The following DGCR2 variants were observed in gnomAD, a reference collection of about 807,000 sequenced individuals.
The protein encoded by DGCR2 is integral membrane protein DGCR2/IDD.
A neutral mutation model predicts 51.6 loss-of-function variants in DGCR2; 24 were observed. The observed-to-expected ratio is 0.47, with a 90% CI of 0.34 to 0.65. The LOEUF (loss-of-function observed/expected upper bound fraction) is 0.65, where lower values mean the gene tolerates loss of function less well. DGCR2 is among the 30% of genes least tolerant of loss of function. The probability of loss-of-function intolerance (pLI) is 0.01; values close to 1 mark genes in which losing one functional copy is unlikely to be tolerated. For missense variants in DGCR2, 765 were observed against 772.1 expected, an observed-to-expected ratio of 0.99 and a Z score of 0.11; for synonymous variants, 340 against 315.4, an observed-to-expected ratio of 1.08 and a Z score of -0.82.
intron 6 of DGCR2, among the ~76,000 whole-genome samples, chr22:19,054,488 C>T (rs182824877): frequency 1.6e-4 from 25 of 152,308 alleles, no homozygotes; most frequent in African/African-American, 5.5e-4. Flanking sequence ...GTGGTTCTAT[C>T]AAACACTCAA....
At chr22:19,059,520 A>G (rs1459313570) in intron 5 of DGCR2, among the ~76,000 whole-genome samples, 2 of 151,998 alleles carry the variant, frequency 1.3e-5, no homozygotes, top group Non-Finnish European at 2.9e-5. Flanking sequence ...AGGCCCTGTG[A>G]GCAGAGCTGC....
At position 19,099,854 on chromosome 22, in the gene DGCR2, C is replaced by T. The variant is rs140311309; in HGVS notation, c.80-10364G>A. The stretch of plus-strand genomic sequence containing the variant: ...GGCATGGTGGCACATGTCTGTAATC[C>T]CAGCTACTCTGGAGGCTGAGGCAGA... On this transcript the variant is annotated intron_variant, in intron 1 of 9. Coordinates refer to ENST00000263196, the MANE Select transcript of DGCR2 (RefSeq NM_005137.3). 1.2e-3 allele frequency among the ~76,000 whole-genome samples: 182 copies of T among 152,112 alleles called. 1 individual carries two copies. Among genetic ancestry groups the T allele is most frequent in the African/African-American group, 4.3e-3 (177 of 41,480 alleles).
intron 5 of DGCR2, chr22:19,061,560 A>C (rs2082663523): frequency 6.6e-6 from 1 of 152,212 alleles, no homozygotes; most frequent in Non-Finnish European, 1.5e-5. Context: ...CCAACCTAGG[A>C]CACCATAAGG....
intron 4 of DGCR2, among the ~76,000 whole-genome samples, chr22:19,063,697 A>C (rs1458006308): frequency 6.6e-6 from 1 of 152,102 alleles, no homozygotes; most frequent in Non-Finnish European, 1.5e-5. Context: ...ATGCATTAAA[A>C]TTCAAAACAA....
chr22:19,044,172 T>A (rs1384012008), intron 7 of DGCR2, among the ~76,000 whole-genome samples: 2 of 152,082 alleles, frequency 1.3e-5, no homozygotes, highest in South Asian at 2.1e-4. Flanking sequence ...CCGGAAATAA[T>A]CATCTCTCAG....
chr22:19,117,316 T>A (rs1430572969), intron 1 of DGCR2, among the ~76,000 whole-genome samples: 1 of 152,198 alleles, frequency 6.6e-6, no homozygotes, highest in African/African-American at 2.4e-5. Flanking sequence ...ACAACAGCAG[T>A]CTTCATTCCT....
intron 6 of DGCR2, chr22:19,056,564 A>C (rs201693171): frequency 1.5e-5 from 5 of 338,138 alleles, no homozygotes; most frequent in East Asian, 1.2e-4. Flanking sequence ...TAAAAAAAAA[A>C]AAACACACAC....
intron 7 of DGCR2, among the ~76,000 whole-genome samples, chr22:19,042,260 G>A (rs1348893815): frequency 1.3e-5 from 2 of 152,176 alleles, no homozygotes; most frequent in African/African-American, 4.8e-5. Flanking sequence ...CCTGTCCTAG[G>A]ACTAGCACTC....
intron 1 of DGCR2, among the ~76,000 whole-genome samples, chr22:19,105,406 CCTT>C (rs1253631726): frequency 6.6e-6 from 1 of 152,170 alleles, no homozygotes; most frequent in Non-Finnish European, 1.5e-5. Flanking sequence ...TGCTCGGTGA[CCTT>C]CTAAATGGAG....
intron 1 of DGCR2, among the ~76,000 whole-genome samples, chr22:19,101,813 G>C (rs1446610772): frequency 1.3e-5 from 2 of 151,212 alleles, no homozygotes; most frequent in Admixed American, 6.6e-5. Context: ...CTAGAACTTT[G>C]GGAGGCCGAG....
chr22:19,083,716 TCTCCCC>T (rs2082969565), intron 2 of DGCR2, among the ~76,000 whole-genome samples: 1 of 43,940 alleles, frequency 2.3e-5, no homozygotes, highest in South Asian at 9.4e-4. Flanking sequence ...CCCCTCTCCC[TCTCCCC>T]ACGGTCTCCC....
intron 2 of DGCR2, among the ~76,000 whole-genome samples, chr22:19,073,676 G>C (rs1361513387): frequency 6.6e-6 from 1 of 152,086 alleles, no homozygotes; most frequent in East Asian, 1.9e-4. Flanking sequence ...CAAAATTATG[G>C]GAAAAACTTA....
intron 1 of DGCR2, among the ~76,000 whole-genome samples, chr22:19,120,118 T>G (rs1410935661): frequency 6.6e-6 from 1 of 152,160 alleles, no homozygotes; most frequent in African/African-American, 2.4e-5. Flanking sequence ...CCCAGAGGCC[T>G]GCCCTCCCTG....
intron 1 of DGCR2, among the ~76,000 whole-genome samples, chr22:19,106,082 G>T (rs549504771): frequency 6.6e-6 from 1 of 152,162 alleles, no homozygotes; most frequent in African/African-American, 2.4e-5. Flanking sequence ...ACGCCCCAGA[G>T]ATCCGTTGCG....
intron 5 of DGCR2, among the ~76,000 whole-genome samples, chr22:19,060,077 C>G (rs935341891): frequency 1.3e-5 from 2 of 152,236 alleles, no homozygotes; most frequent in Non-Finnish European, 2.9e-5. Context: ...CACTCAGGGT[C>G]TGTCTCCCCT....
At chr22:19,078,867 G>C (rs561087897) in intron 2 of DGCR2, among the ~76,000 whole-genome samples, 1 of 152,350 alleles carries the variant, frequency 6.6e-6, no homozygotes, top group African/African-American at 2.4e-5. Flanking sequence ...GCATGTTAGA[G>C]TCACAGAATG....
intron 6 of DGCR2, 36 bp downstream of exon 6, chr22:19,056,950 G>A (rs765537371): frequency 2.0e-6 from 3 of 1,534,084 alleles, no homozygotes; most frequent in South Asian, 1.3e-5. Context: ...CAAGGGCCCA[G>A]ACATTCCCCA....
At chr22:19,063,513 ATTT>A (rs35934680) in intron 4 of DGCR2, among the ~76,000 whole-genome samples, 2 of 132,962 alleles carry the variant, frequency 1.5e-5, no homozygotes, top group Non-Finnish European at 3.3e-5. Flanking sequence ...TAATTTTTGT[ATTT>A]TTTTTTTTTT....
At chr22:19,045,354 T>C (rs902336366) in intron 7 of DGCR2, 2 of 138,686 alleles carry the variant, frequency 1.4e-5, no homozygotes, top group African/African-American at 5.6e-5. Flanking sequence ...ACGACTGCAC[T>C]TGACTCGTCT....
Sources: allele counts gnomAD v4.1 joint callset (sites outside exome capture counted in the v4.1 genomes callset), GRCh38; gene constraint gnomAD v4.1.1; transcripts MANE v1.5; gene names NCBI Gene and HGNC (gene_info 2026-07-23, HGNC 2026-07-21).